The following PDSS2 variants were observed in gnomAD, a reference collection of about 807,000 sequenced individuals.
PDSS2 encodes the protein decaprenyl diphosphate synthase subunit 2, also known as all trans-polyprenyl-diphosphate synthase PDSS2.
Under a neutral mutation model 44.5 loss-of-function variants are expected in PDSS2, and 31 were observed. That is an observed-to-expected ratio of 0.70 (90% confidence interval 0.52 to 0.94). PDSS2 has a LOEUF of 0.94. PDSS2 is among the 40% of genes least tolerant of loss of function. PDSS2 has a pLI of 0.00. For synonymous variants in PDSS2, 157 were observed against 180.3 expected, an observed-to-expected ratio of 0.87 and a Z score of 1.03; for missense variants, 452 against 482.2, an observed-to-expected ratio of 0.94 and a Z score of 0.59.
chr6:107,274,657 ATC>A (rs201085573), intron 2 of PDSS2, among the ~76,000 whole-genome samples: 5 of 145,254 alleles, frequency 3.4e-5, no homozygotes, highest in Admixed American at 1.4e-4. Flanking sequence ...TACATACATT[ATC>A]TCTCTCTCTT....
rs567166016 is a variant in PDSS2, at chr6:107,405,942, T to C, written c.296+53048A>G. Among the ~76,000 whole-genome samples the C allele has an allele frequency of 8.6e-5, 13 of 151,620 alleles. No homozygotes were observed. In the South Asian group the frequency reaches 1.3e-3, roughly 15 times the overall value. Reference sequence around the variant, plus strand: ...TGACAAAAATTCACCTTACTAGAAATGGGTACAATGTAAACTTTACAGGTG... The same window carrying C: ...TGACAAAAATTCACCTTACTAGAAACGGGTACAATGTAAACTTTACAGGTG... On this transcript the variant is annotated intron_variant, in intron 1 of 7. Coordinates refer to ENST00000369037, the MANE Select transcript of PDSS2 (RefSeq NM_020381.4).
intron 2 of PDSS2, among the ~76,000 whole-genome samples, chr6:107,295,554 C>T (rs1776484279): frequency 6.6e-6 from 1 of 152,066 alleles, no homozygotes; most frequent in Non-Finnish European, 1.5e-5. Context: ...CCTCCAACAA[C>T]CTGATAAAGA....
intron 2 of PDSS2, among the ~76,000 whole-genome samples, chr6:107,297,509 A>G (rs1776549367): frequency 6.6e-6 from 1 of 151,044 alleles, no homozygotes; most frequent in East Asian, 2.0e-4. Flanking sequence ...CAGCCTCCCG[A>G]GTAGCTGGGG....
chr6:107,432,154 A>G (rs528885717), intron 1 of PDSS2, among the ~76,000 whole-genome samples: 22 of 152,358 alleles, frequency 1.4e-4, no homozygotes, highest in African/African-American at 4.6e-4. Flanking sequence ...GTGGCAGAAT[A>G]ATATCTAGCA....
At chr6:107,400,920 C>T (rs1032998918) in intron 1 of PDSS2, among the ~76,000 whole-genome samples, 1 of 152,212 alleles carries the variant, frequency 6.6e-6, no homozygotes, top group African/African-American at 2.4e-5. Flanking sequence ...CCTTCCCGAG[C>T]ACTGTGCAAT....
chr6:107,264,269 A>G, intron 3 of PDSS2: 1 of 1,367,478 alleles, frequency 7.3e-7, no homozygotes, highest in South Asian at 1.9e-5. Flanking sequence ...GTACAAACAA[A>G]ATACTTCATT....
Position 107,154,419 on chromosome 6 carries a change from G to A in PDSS2, c.*200C>T, listed in dbSNP as rs1770810636. The A allele has an allele frequency of 1.8e-6, 1 of 564,260 alleles. No individual in the cohort carries two copies. Among genetic ancestry groups the A allele is most frequent in the Non-Finnish European group, 3.2e-6 (1 of 317,014 alleles). The allele number at this position is 564,260 out of a possible 1,614,324, so 35.0% of individuals were successfully genotyped here. ...CAAGTGTGCTTCTGGCGTGACAAGT[G>A]AAAACTGCTTGACCTTTTTTTCTTC... On this transcript the variant is annotated 3_prime_UTR_variant, in exon 8 of 8. Transcript: ENST00000369037.
intron 4 of PDSS2, among the ~76,000 whole-genome samples, chr6:107,225,162 T>TATATATATA (rs1491560664): frequency 1.9e-4 from 6 of 31,422 alleles, no homozygotes; most frequent in Admixed American, 1.8e-3. Flanking sequence ...TATATATATA[T>TATATATATA]TTTTTTTTTT....
At chr6:107,273,579 G>A (rs1002785446) in intron 3 of PDSS2, among the ~76,000 whole-genome samples, 1 of 151,970 alleles carries the variant, frequency 6.6e-6, no homozygotes, top group African/African-American at 2.4e-5. Flanking sequence ...ATAATATTAT[G>A]TAAGAAAAAA....
At chr6:107,166,778 T>G (rs2114338119) in intron 7 of PDSS2, among the ~76,000 whole-genome samples, 1 of 152,282 alleles carries the variant, frequency 6.6e-6, no homozygotes, top group South Asian at 2.1e-4. Context: ...CTGGATTATG[T>G]TTATTGATTT....
intron 6 of PDSS2, among the ~76,000 whole-genome samples, chr6:107,207,718 T>C (rs2114607956): frequency 6.6e-6 from 1 of 150,480 alleles, no homozygotes; most frequent in East Asian, 2.0e-4. Context: ...CAAGTGATTC[T>C]AGGGCCTCAG....
At chr6:107,321,951 A>G (rs1000894484) in intron 2 of PDSS2, among the ~76,000 whole-genome samples, 2 of 152,144 alleles carry the variant, frequency 1.3e-5, no homozygotes, top group African/African-American at 2.4e-5. Context: ...CTGATTCATC[A>G]TGATCTCCAG....
chr6:107,241,558 G>A (rs1339695117), intron 4 of PDSS2, among the ~76,000 whole-genome samples: 1 of 151,888 alleles, frequency 6.6e-6, no homozygotes, highest in East Asian at 2.0e-4. Context: ...GTGTTAGCCA[G>A]GACGGCCTCG....
chr6:107,250,640 C>T (rs2114828668), intron 3 of PDSS2, among the ~76,000 whole-genome samples: 1 of 152,212 alleles, frequency 6.6e-6, no homozygotes, highest in Non-Finnish European at 1.5e-5. Flanking sequence ...GAATATATCA[C>T]TCAATAGTTT....
intron 1 of PDSS2, among the ~76,000 whole-genome samples, chr6:107,368,939 G>A (rs991605654): frequency 2.0e-5 from 3 of 152,198 alleles, no homozygotes; most frequent in Non-Finnish European, 2.9e-5. Context: ...TACAGTAATT[G>A]AAGTAGTGTA....
rs187582475 is a variant in PDSS2, at chr6:107,392,370, G to A, written c.297-58038C>T. Reference sequence around the variant, plus strand: ...TCAGATACTGCTTGCAGCAGTGAACGGTAATGGCTTTAAAAATTTTTTTAA... The same window carrying A: ...TCAGATACTGCTTGCAGCAGTGAACAGTAATGGCTTTAAAAATTTTTTTAA... On this transcript the variant is annotated intron_variant, in intron 1 of 7. Transcript: ENST00000369037. Among the ~76,000 whole-genome samples, 862 of 152,222 alleles carry A rather than the reference G, an allele frequency of 5.7e-3. 1 individual carries two copies. Among genetic ancestry groups the A allele is most frequent in the Non-Finnish European group, 8.0e-3 (547 of 68,008 alleles).
intron 7 of PDSS2, among the ~76,000 whole-genome samples, chr6:107,167,258 A>G (rs1460228804): frequency 6.6e-6 from 1 of 152,044 alleles, no homozygotes; most frequent in Non-Finnish European, 1.5e-5. Flanking sequence ...TTTCTAGTTT[A>G]TTTGCATAGA....
rs541023075 is a variant in PDSS2 at position 107,204,163 on chromosome 6, G to A, written c.1008+6276C>T. On this transcript the variant is annotated intron_variant, in intron 6 of 7. Transcript: ENST00000369037. Reference sequence around the variant, plus strand: ...TCACCATGTTGGCCAGGATGGTCTCGATCTCCTGACCTCGTGATCCGCCCC... The same window carrying A: ...TCACCATGTTGGCCAGGATGGTCTCAATCTCCTGACCTCGTGATCCGCCCC... Among the ~76,000 whole-genome samples, 364 of 152,028 alleles carry A rather than the reference G, an allele frequency of 2.4e-3. 1 individual carries two copies. The highest frequency in any genetic ancestry group is 7.8e-3 in the African/African-American group (324 of 41,466).
intron 1 of PDSS2, among the ~76,000 whole-genome samples, chr6:107,421,081 G>A (rs1234121778): frequency 6.6e-6 from 1 of 152,124 alleles, no homozygotes; most frequent in Non-Finnish European, 1.5e-5. Flanking sequence ...TGGCAAATCA[G>A]CACATGAAAA....
Sources: gnomAD v4.1 joint callset for allele counts (sites outside exome capture counted in the v4.1 genomes callset) on GRCh38, gnomAD v4.1.1 for gene constraint, MANE v1.5 for transcripts, NCBI Gene and HGNC (gene_info 2026-07-23, HGNC 2026-07-21) for gene names.